JAKMIP2: variants seen among roughly 807,000 people sequenced by gnomAD.
JAKMIP2 encodes janus kinase and microtubule interacting protein 2.
JAKMIP2 carries 25 observed loss-of-function variants against 115.0 expected under a neutral mutation model. The ratio of observed to expected loss-of-function variants is 0.22; its 90% confidence interval spans 0.16 to 0.30. The LOEUF (loss-of-function observed/expected upper bound fraction) is 0.30. Ranked by LOEUF, JAKMIP2 falls within the 10% of genes least tolerant of loss-of-function variation. The pLI, the probability that JAKMIP2 is intolerant of heterozygous loss-of-function variation, is 1.00. For missense variants in JAKMIP2, 642 were observed against 957.6 expected (o/e 0.67, Z 4.35); for synonymous variants, 334 against 343.6 (o/e 0.97, Z 0.31).
intron 2 of JAKMIP2, among the ~76,000 whole-genome samples, chr5:147,669,726 C>T (rs2126801995): frequency 6.6e-6 from 1 of 152,280 alleles, no homozygotes; most frequent in African/African-American, 2.4e-5. Flanking sequence ...ATGAAATGTT[C>T]AGAGATTGTC....
At chr5:147,671,532 G>C in intron 2 of JAKMIP2, 146 bp downstream of exon 2, 1 of 504,336 alleles carries the variant, frequency 2.0e-6, no homozygotes, top group Non-Finnish European at 3.2e-6. Context: ...CATGCAATAA[G>C]CTCTCCATGT....
At chr5:147,699,628 T>C (rs1481497201) in intron 1 of JAKMIP2, among the ~76,000 whole-genome samples, 1 of 152,118 alleles carries the variant, frequency 6.6e-6, no homozygotes, top group Non-Finnish European at 1.5e-5. Context: ...AAAAAAACCC[T>C]AAAATTTCTG....
chr5:147,640,559 G>T, intron 9 of JAKMIP2, 145 bp downstream of exon 9: 4 of 740,546 alleles, frequency 5.4e-6, no homozygotes, highest in East Asian at 2.8e-5. Context: ...AGATAATAAA[G>T]TGCAGCCTCA....
chr5:147,645,364 G>C (rs921726213), intron 5 of JAKMIP2, among the ~76,000 whole-genome samples: 1 of 152,126 alleles, frequency 6.6e-6, no homozygotes, highest in African/African-American at 2.4e-5. Context: ...ACCTGCATTA[G>C]CTCAGAGATA....
Position 147,644,857 on chromosome 5 carries a change from G to A in JAKMIP2, c.1076C>T (p.Ser359Leu). 1 of 1,613,254 alleles carries A rather than the reference G, an allele frequency of 6.2e-7. No individual in the cohort carries two copies. The highest frequency in any genetic ancestry group is 1.7e-5 in the Admixed American group (1 of 59,862). ...AGAGTCTGTGATACACACCATTTCT[G>A]AATTTTCCTTGGTAACGGCTTTTAG... ...EKLKAVTKEN[S>L]EMREKITSHP... is the part of the protein sequence containing the mutation. The change falls in exon 6 of 22, where the codon TCA becomes TTA. Residue 359 changes from serine (S) to leucine (L), a missense_variant. Physicochemically the swap from Ser to Leu is moderately radical, Grantham distance 145. Coordinates refer to ENST00000616793, the MANE Select transcript of JAKMIP2 (RefSeq NM_001270941.2).
At chr5:147,597,993 CTTT>C (rs56665577) in intron 21 of JAKMIP2, among the ~76,000 whole-genome samples, 1 of 146,796 alleles carries the variant, frequency 6.8e-6, no homozygotes, top group East Asian at 2.0e-4. Context: ...CTTCTTATTC[CTTT>C]TTTTTTTTTC....
chr5:147,635,498 G>A (rs1028843655), intron 12 of JAKMIP2, among the ~76,000 whole-genome samples: 3 of 152,052 alleles, frequency 2.0e-5, no homozygotes, highest in African/African-American at 7.2e-5. Context: ...TGGTCTTGGA[G>A]TCATACTCTG....
rs1396420095 is a variant in JAKMIP2, at chr5:147,774,097, AT to A, written c.-149+8358del. Among the ~76,000 whole-genome samples the A allele has an allele frequency of 3.5e-4, 53 of 152,346 alleles. 1 individual carries two copies. Among genetic ancestry groups the A allele is most frequent in the Admixed American group, 3.0e-3 (46 of 15,302 alleles). On this transcript the variant is annotated intron_variant, in intron 1 of 21. Coordinates refer to ENST00000616793, the MANE Select transcript of JAKMIP2 (RefSeq NM_001270941.2). ...AATGTTTTCCATAATATAGCTAAAA[AT>A]AATATATTCTCTAAAATACAAAACC...
chr5:147,684,856 T>TA (rs1161084567), intron 1 of JAKMIP2, among the ~76,000 whole-genome samples: 1 of 152,134 alleles, frequency 6.6e-6, no homozygotes, highest in Non-Finnish European at 1.5e-5. Flanking sequence ...TGATCAGAGA[T>TA]AAAAAATGAA....
At chr5:147,746,619 G>A (rs1754355129) in intron 1 of JAKMIP2, among the ~76,000 whole-genome samples, 1 of 151,856 alleles carries the variant, frequency 6.6e-6, no homozygotes. Flanking sequence ...TTCCATTACT[G>A]TAGAATTAAA....
chr5:147,609,821 C>T (rs1047342636), intron 20 of JAKMIP2, among the ~76,000 whole-genome samples: 47 of 152,294 alleles, frequency 3.1e-4, no homozygotes, highest in African/African-American at 1.1e-3. Context: ...ACCAATCAAA[C>T]ATAGGTTTGG....
At chr5:147,618,620 C>A (rs1756700943) in intron 18 of JAKMIP2, among the ~76,000 whole-genome samples, 1 of 152,118 alleles carries the variant, frequency 6.6e-6, no homozygotes, top group African/African-American at 2.4e-5. Flanking sequence ...CACCTGTAAT[C>A]CCAGCTACTC....
chr5:147,715,439 A>C (rs1459636146), intron 1 of JAKMIP2, among the ~76,000 whole-genome samples: 1 of 151,210 alleles, frequency 6.6e-6, no homozygotes, highest in African/African-American at 2.4e-5. Context: ...ATATACACAT[A>C]TAAAATAATT....
intron 1 of JAKMIP2, among the ~76,000 whole-genome samples, chr5:147,683,666 T>A (rs1401900528): frequency 6.6e-6 from 1 of 152,232 alleles, no homozygotes; most frequent in Non-Finnish European, 1.5e-5. Context: ...GTTGTTTCCT[T>A]GGTGACTGTT....
chr5:147,684,746 A>AT (rs1004588381), intron 1 of JAKMIP2, among the ~76,000 whole-genome samples: 5 of 152,140 alleles, frequency 3.3e-5, no homozygotes, highest in South Asian at 2.1e-4. Context: ...GGCACGCTCT[A>AT]TTTTTTTTCT....
At chr5:147,688,024 T>C (rs1760654076) in intron 1 of JAKMIP2, among the ~76,000 whole-genome samples, 1 of 152,194 alleles carries the variant, frequency 6.6e-6, no homozygotes, top group Non-Finnish European at 1.5e-5. Context: ...TTCCAAAACA[T>C]TTGTTTTAAC....
In JAKMIP2 at chr5:147,726,823, T is replaced by TA. The variant is rs1355479787; in HGVS notation, c.-148-54870_-148-54869insT. Among the ~76,000 whole-genome samples the TA allele has an allele frequency of 1.2e-3, 182 of 152,346 alleles. 1 individual carries two copies. The highest frequency in any genetic ancestry group is 4.2e-3 in the African/African-American group (173 of 41,576). On this transcript the variant is annotated intron_variant, in intron 1 of 21. Coordinates refer to ENST00000616793, the MANE Select transcript of JAKMIP2 (RefSeq NM_001270941.2). ...TTGTGACCATATGGCAGTACTTTCT[T>TA]TTAGTCTCTGCTTATCCAGAGGACA...
At chr5:147,727,504 G>T (rs1753565484) in intron 1 of JAKMIP2, among the ~76,000 whole-genome samples, 2 of 152,174 alleles carry the variant, frequency 1.3e-5, no homozygotes, top group Admixed American at 1.3e-4. Flanking sequence ...GGCAGCAGGA[G>T]AGAATGCAGG....
chr5:147,677,811 T>A (rs145994540), intron 1 of JAKMIP2, among the ~76,000 whole-genome samples: 1 of 152,348 alleles, frequency 6.6e-6, no homozygotes, highest in East Asian at 1.9e-4. Flanking sequence ...TTAACTCACA[T>A]ACTTTTTTTG....
Sources: gnomAD v4.1 joint callset for allele counts (sites outside exome capture counted in the v4.1 genomes callset) on GRCh38, gnomAD v4.1.1 for gene constraint, MANE v1.5 for transcripts, NCBI Gene and HGNC (gene_info 2026-07-23, HGNC 2026-07-21) for gene names.